GNAL: variants seen among roughly 807,000 people sequenced by gnomAD.
GNAL encodes G protein subunit alpha L, also known as guanine nucleotide-binding protein G(olf) subunit alpha.
In GNAL, 18 loss-of-function variants were observed where a neutral mutation model predicts 55.1. That is an observed-to-expected ratio of 0.33 (90% CI 0.23 to 0.48). The LOEUF is 0.48. Ranked by LOEUF, GNAL falls within the 20% of genes least tolerant of loss-of-function variation. The pLI is 0.99. For synonymous variants in GNAL, 253 were observed against 237.0 expected (o/e 1.07, Z -0.62); for missense variants, 412 against 614.1 (o/e 0.67, Z 3.48).
intron 1 of GNAL, among the ~76,000 whole-genome samples, chr18:11,749,713 AG>A (rs1393053690): frequency 2.6e-5 from 4 of 152,294 alleles, no homozygotes; most frequent in Middle Eastern, 3.4e-3. Flanking sequence ...GGGCTTGAGA[AG>A]GTGTGGCCTA....
At chr18:11,858,552 A>G (rs1024553467) in intron 5 of GNAL, among the ~76,000 whole-genome samples, 2 of 152,200 alleles carry the variant, frequency 1.3e-5, no homozygotes, top group Non-Finnish European at 2.9e-5. Flanking sequence ...AGAAGCCCCA[A>G]TTTGAAAAAG....
intron 1 of GNAL, among the ~76,000 whole-genome samples, chr18:11,691,987 C>T (rs139188569): frequency 1.3e-5 from 2 of 152,244 alleles, no homozygotes; most frequent in East Asian, 3.9e-4. Context: ...AATTAGAAAA[C>T]ATGGTTCTAT....
At chr18:11,846,844 T>C (rs1215800880) in intron 5 of GNAL, among the ~76,000 whole-genome samples, 2 of 151,992 alleles carry the variant, frequency 1.3e-5, no homozygotes, top group Non-Finnish European at 2.9e-5. Flanking sequence ...CCCAAAGTGT[T>C]GTGATTACAG....
chr18:11,752,709 G>A lies in GNAL; in HGVS notation c.377-144G>A. The A allele has an allele frequency of 1.7e-6, 2 of 1,193,458 alleles. No homozygotes were observed. The highest frequency in any genetic ancestry group is 2.3e-6 in the Non-Finnish European group (2 of 868,216). 73.9% of individuals were successfully genotyped at this position (1,193,458 alleles called of 1,614,324 possible). A position where few individuals can be genotyped will look rare whatever the true frequency, so the allele number is the denominator to read the frequency against. On this transcript the variant is annotated intron_variant, in intron 1 of 11. Transcript: ENST00000334049. The surrounding 1 kb of genome is among the most constrained non-coding windows in gnomAD (Gnocchi z 4.5). ...CTCTGGGCCGCGGAGCCCAGACGGC[G>A]GCCGGGGCGAGCTCCTCCAGCCAGG...
intron 1 of GNAL, among the ~76,000 whole-genome samples, chr18:11,742,358 T>A (rs898357731): frequency 2.0e-5 from 3 of 148,850 alleles, no homozygotes; most frequent in Non-Finnish European, 4.5e-5. Context: ...TCGTCATAAT[T>A]ACCACAGTCC....
In GNAL at chr18:11,689,844, C is replaced by A. The variant is rs1283642004; in HGVS notation, c.281C>A (p.Ala94Glu). The A allele has an allele frequency of 1.3e-6, 2 of 1,535,958 alleles. No homozygotes were observed. The highest frequency in any genetic ancestry group is 2.0e-5 in the Admixed American group (1 of 51,066). ...CGCGAGGCGGCCAAGGAGCGCGAGG[C>A]GGTCAAGGAGGCGAGGAAAGTGAGC... ...EEREAAKERE[A>E]VKEARKVSRG... Residue 94 changes from alanine to glutamate, a missense_variant, in exon 1 of 12, where the codon GCG becomes GAG. This residue lies in a region of GNAL where 228 missense variants were observed against 194.8 expected (regional missense o/e 1.17). Transcript: ENST00000334049.
rs568442612 is a variant in GNAL at position 11,791,952 on chromosome 18, A to C, written c.625-32966A>C. 2.6e-5 allele frequency among the ~76,000 whole-genome samples: 4 copies of C among 151,854 alleles called. No individual in the cohort carries two copies. In the South Asian group the frequency reaches 6.2e-4, roughly 24 times the overall value. ...TCCTGCACAGTTAAGCCAGTCTGTT[A>C]AAGACTGTTAATCATTTTGATTATG... On this transcript the variant is annotated intron_variant, in intron 4 of 11. Transcript: ENST00000334049.
chr18:11,871,578 C>T (rs1169357759), intron 9 of GNAL, among the ~76,000 whole-genome samples: 1 of 152,126 alleles, frequency 6.6e-6, no homozygotes, highest in Non-Finnish European at 1.5e-5. Context: ...TAGTAAGATT[C>T]CTGTAGACTA....
intron 9 of GNAL, among the ~76,000 whole-genome samples, chr18:11,869,355 G>A (rs1403743276): frequency 6.6e-6 from 1 of 151,964 alleles, no homozygotes; most frequent in Non-Finnish European, 1.5e-5. Flanking sequence ...ATGTTAGCCA[G>A]GATGGTCTTG....
intron 4 of GNAL, among the ~76,000 whole-genome samples, chr18:11,812,117 T>A (rs1230988018): frequency 6.6e-6 from 1 of 152,112 alleles, no homozygotes; most frequent in Admixed American, 6.6e-5. Context: ...AAAATTAATT[T>A]TGTGGGAAAA....
rs1330310522 is a variant in GNAL, at chr18:11,751,460, G to C, written c.377-1393G>C. On this transcript the variant is annotated intron_variant, in intron 1 of 11. Transcript: ENST00000334049. The surrounding 1 kb of genome is among the most constrained non-coding windows in gnomAD (Gnocchi z 4.5). ...GGAGGCTCGGGAGGCGGCGACGTGG[G>C]CGAGCTGGAATAGTCTAGAAGCTGA... 2.5e-5 allele frequency: 24 copies of C among 977,576 alleles called. No homozygotes were observed. Among genetic ancestry groups the C allele is most frequent in the Non-Finnish European group, 2.6e-5 (21 of 822,808 alleles). 60.6% of individuals were successfully genotyped at this position (977,576 alleles called of 1,614,324 possible).
chr18:11,742,438 G>A (rs1247194409), intron 1 of GNAL, among the ~76,000 whole-genome samples: 1 of 152,230 alleles, frequency 6.6e-6, no homozygotes, highest in Non-Finnish European at 1.5e-5. Flanking sequence ...GGGGAGTACT[G>A]TTACCCTCAC....
chr18:11,870,497 G>A (rs2036372109), intron 9 of GNAL, among the ~76,000 whole-genome samples: 1 of 151,902 alleles, frequency 6.6e-6, no homozygotes, highest in Admixed American at 6.6e-5. Context: ...CTCCAGCCTG[G>A]GCAACAGAGT....
intron 5 of GNAL, chr18:11,852,128 G>A: frequency 6.4e-7 from 1 of 1,564,686 alleles, no homozygotes; most frequent in Non-Finnish European, 8.7e-7. Flanking sequence ...AACCCGCTCT[G>A]AGGTTTCCTG....
rs773575712 is a variant in GNAL, at chr18:11,852,191, T to A, written c.723-10204T>A. 7.6e-6 allele frequency: 11 copies of A among 1,440,344 alleles called. No individual in the cohort carries two copies. The Admixed American group carries it at 8.3e-5, about 11-fold the overall frequency. The allele number at this position is 1,440,344 out of a possible 1,614,324, so 89.2% of individuals were successfully genotyped here. On this transcript the variant is annotated intron_variant, in intron 5 of 11. Coordinates refer to ENST00000334049, the MANE Select transcript of GNAL (RefSeq NM_182978.4). ...TGTGTGTTAGAGAGATACTATACCC[T>A]AGAAACTCTGAACACGCCAGAATGC...
chr18:11,873,359 T>C (rs9946455), intron 10 of GNAL, among the ~76,000 whole-genome samples: 15,838 of 152,258 alleles, frequency 0.1, 1,404 homozygotes, highest in African/African-American at 0.24. Flanking sequence ...ATATTCATAG[T>C]AAAATCCTGA....
chr18:11,842,536 C>T (rs1235062503), intron 5 of GNAL, among the ~76,000 whole-genome samples: 1 of 151,814 alleles, frequency 6.6e-6, no homozygotes, highest in African/African-American at 2.4e-5. Context: ...CTAGATGGTC[C>T]CATCTGGGGG....
intron 4 of GNAL, among the ~76,000 whole-genome samples, chr18:11,790,895 A>G (rs1372862516): frequency 6.6e-6 from 1 of 151,840 alleles, no homozygotes; most frequent in Non-Finnish European, 1.5e-5. Flanking sequence ...CTGACCTCGT[A>G]ATCCGCCTGC....
intron 5 of GNAL, chr18:11,857,439 T>A (rs1013595252): frequency 1.0e-5 from 10 of 976,324 alleles, no homozygotes; most frequent in Non-Finnish European, 1.2e-5. Flanking sequence ...CACGTGATGT[T>A]AAAAGAGACT....
Sources: allele counts gnomAD v4.1 joint callset (sites outside exome capture counted in the v4.1 genomes callset), GRCh38; gene constraint gnomAD v4.1.1; regional missense constraint gnomAD v4.1.1; non-coding constraint Gnocchi (gnomAD v3.1); transcripts MANE v1.5; gene names NCBI Gene and HGNC (gene_info 2026-07-23, HGNC 2026-07-21).